The following CCSER1 variants were observed in gnomAD, a reference collection of about 807,000 sequenced individuals.
The protein encoded by CCSER1 is serine-rich coiled-coil domain-containing protein 1.
In CCSER1, 41 loss-of-function variants were observed where a neutral mutation model predicts 82.0. The observed-to-expected ratio is 0.50, with a 90% confidence interval of 0.39 to 0.65. CCSER1 has a LOEUF of 0.65. CCSER1 is among the 30% of genes least tolerant of loss of function. The pLI is 0.00. For missense variants in CCSER1, 1,119 were observed against 1,064.2 expected (o/e 1.05, Z -0.72); for synonymous variants, 414 against 383.9 (o/e 1.08, Z -0.92).
chr4:90,649,103 A>C (rs1473856482), intron 6 of CCSER1, among the ~76,000 whole-genome samples: 2 of 152,206 alleles, frequency 1.3e-5, no homozygotes, highest in Non-Finnish European at 2.9e-5. Context: ...AATTTTAAGA[A>C]ATTTTTCATA....
Position 90,914,157 on chromosome 4 carries a change from A to G in CCSER1, c.2095-9213A>G, listed in dbSNP as rs191017145. The stretch of plus-strand genomic sequence containing the variant: ...CACCAAGTGGACCTGATAGACATCT[A>G]CAGAACTCTCCACCCCAAATCAACA... On this transcript the variant is annotated intron_variant, in intron 8 of 10. Transcript: ENST00000509176. Among the ~76,000 whole-genome samples, 1,182 of 152,334 alleles carry G rather than the reference A, an allele frequency of 7.8e-3. 10 individuals carry two copies. The highest frequency in any genetic ancestry group is 0.028 in the African/African-American group (1,148 of 41,560).
chr4:90,282,690 A>G, intron 1 of CCSER1, among the ~76,000 whole-genome samples: 1 of 151,970 alleles, frequency 6.6e-6, no homozygotes, highest in East Asian at 1.9e-4. Flanking sequence ...ATCACTGAAT[A>G]CTATTGGTTA....
intron 6 of CCSER1, among the ~76,000 whole-genome samples, chr4:90,633,938 A>T (rs1351275635): frequency 6.6e-6 from 1 of 151,788 alleles, no homozygotes; most frequent in Non-Finnish European, 1.5e-5. Context: ...AAAATGACCG[A>T]TGTTGGGCCT....
intron 10 of CCSER1, among the ~76,000 whole-genome samples, chr4:91,251,571 T>C (rs2149147362): frequency 6.6e-6 from 1 of 152,244 alleles, no homozygotes; most frequent in South Asian, 2.1e-4. Context: ...ATATGTAAAA[T>C]AATCTGCATG....
At chr4:90,290,109 ATTTTT>A (rs1730635772) in intron 1 of CCSER1, among the ~76,000 whole-genome samples, 1 of 151,838 alleles carries the variant, frequency 6.6e-6, no homozygotes, top group African/African-American at 2.4e-5. Context: ...ATTTATCTTT[ATTTTT>A]AACTCCTGGT....
intron 10 of CCSER1, among the ~76,000 whole-genome samples, chr4:91,526,681 T>C (rs963796118): frequency 2.0e-5 from 3 of 152,160 alleles, no homozygotes; most frequent in Non-Finnish European, 4.4e-5. Context: ...CTTGGCTCAC[T>C]GCAACCTCTG....
At chr4:91,484,888 G>A (rs1238796077) in intron 10 of CCSER1, among the ~76,000 whole-genome samples, 2 of 152,124 alleles carry the variant, frequency 1.3e-5, no homozygotes, top group Non-Finnish European at 2.9e-5. Context: ...AGTCTAAATC[G>A]ATACCTGTGG....
chr4:91,449,790 C>A (rs1578487111), intron 10 of CCSER1, among the ~76,000 whole-genome samples: 1 of 151,830 alleles, frequency 6.6e-6, no homozygotes, highest in African/African-American at 2.4e-5. Context: ...TTTATGAATT[C>A]TTGAAAAGAT....
chr4:90,930,567 C>T (rs564871433), intron 9 of CCSER1, among the ~76,000 whole-genome samples: 2 of 151,416 alleles, frequency 1.3e-5, no homozygotes, highest in Admixed American at 6.6e-5. Flanking sequence ...GAGCCGAGAT[C>T]GTGCCACTGC....
chr4:90,376,773 A>C (rs1439154348), intron 3 of CCSER1, among the ~76,000 whole-genome samples: 1 of 152,180 alleles, frequency 6.6e-6, no homozygotes, highest in African/African-American at 2.4e-5. Context: ...AAGACACTGT[A>C]GAAGGAGTTT....
intron 6 of CCSER1, among the ~76,000 whole-genome samples, chr4:90,648,329 G>GAAAGAAAGAAAGAA (rs1560879739): frequency 1.9e-4 from 28 of 151,282 alleles, no homozygotes; most frequent in Non-Finnish European, 4.0e-4. Context: ...AAGAAAGAAA[G>GAAAGAAAGAAAGAA]AAAGAAAGAA....
chr4:90,916,423 C>T (rs1269124431), intron 8 of CCSER1, among the ~76,000 whole-genome samples: 1 of 152,100 alleles, frequency 6.6e-6, no homozygotes, highest in Non-Finnish European at 1.5e-5. Flanking sequence ...AAAGGATTCC[C>T]TATTTAACAA....
At chr4:91,486,729 A>G (rs1758241474) in intron 10 of CCSER1, among the ~76,000 whole-genome samples, 1 of 152,142 alleles carries the variant, frequency 6.6e-6, no homozygotes, top group East Asian at 1.9e-4. Context: ...GATAGATTTT[A>G]TGCAACTACT....
chr4:90,312,203 A>G (rs534582073), intron 2 of CCSER1, among the ~76,000 whole-genome samples: 1 of 152,096 alleles, frequency 6.6e-6, no homozygotes, highest in African/African-American at 2.4e-5. Context: ...GGAGCATGCC[A>G]GTGATGTACC....
intron 10 of CCSER1, among the ~76,000 whole-genome samples, chr4:91,253,838 C>G (rs79124488): frequency 0.02 from 2,997 of 152,122 alleles, 97 homozygotes; most frequent in African/African-American, 0.066. Context: ...ACACATGGTG[C>G]AAGAAGGAGC....
intron 10 of CCSER1, among the ~76,000 whole-genome samples, chr4:91,314,984 A>G (rs1446571392): frequency 1.3e-5 from 2 of 151,952 alleles, no homozygotes; most frequent in Admixed American, 6.6e-5. Context: ...GTGTAAAGCC[A>G]GATACTACTG....
At chr4:91,193,997 T>C (rs1006984449) in intron 10 of CCSER1, among the ~76,000 whole-genome samples, 28 of 152,338 alleles carry the variant, frequency 1.8e-4, no homozygotes, top group African/African-American at 6.0e-4. Flanking sequence ...TGAGACGTAG[T>C]CTCACTCTGT....
intron 6 of CCSER1, among the ~76,000 whole-genome samples, chr4:90,635,566 A>G (rs74807592): frequency 0.029 from 4,421 of 151,948 alleles, 204 homozygotes; most frequent in African/African-American, 0.1. Context: ...TTAAAACTAT[A>G]ATTACAGGGA....
intron 5 of CCSER1, among the ~76,000 whole-genome samples, chr4:90,494,708 T>C (rs112436609): frequency 2.0e-5 from 3 of 152,324 alleles, no homozygotes; most frequent in African/African-American, 7.2e-5. Context: ...AGTAATTTTA[T>C]TGAAGACTAC....
Sources: gnomAD v4.1 joint callset for allele counts (sites outside exome capture counted in the v4.1 genomes callset) on GRCh38, gnomAD v4.1.1 for gene constraint, MANE v1.5 for transcripts, NCBI Gene and HGNC (gene_info 2026-07-23, HGNC 2026-07-21) for gene names.